SLIT1: variants seen among roughly 807,000 people sequenced by gnomAD.
SLIT1 encodes slit homolog 1 protein.
A neutral mutation model predicts 186.1 loss-of-function variants in SLIT1; 66 were observed. The observed-to-expected ratio is 0.35, with a 90% CI of 0.29 to 0.44. The LOEUF is 0.44. Ranked by LOEUF, SLIT1 falls within the 20% of genes least tolerant of loss-of-function variation. SLIT1 has a pLI of 1.00. For missense variants in SLIT1, 1,638 were observed against 2,037.4 expected (o/e 0.80, Z 3.77); for synonymous variants, 761 against 833.8 (o/e 0.91, Z 1.50).
rs1209716385 is a variant in SLIT1, at chr10:97,006,177, G to A, written c.3579+306C>T. 6.6e-6 allele frequency among the ~76,000 whole-genome samples: 1 copy of A among 152,198 alleles called. No homozygotes were observed. Among genetic ancestry groups the A allele is most frequent in the Non-Finnish European group, 1.5e-5 (1 of 68,042 alleles). ...AGAAAGCCTGTCTGCAGCACTGGAG[G>A]CAGACACTGAGGAGTAGCTGGGACA... On this transcript the variant is annotated intron_variant, in intron 32 of 36. Transcript: ENST00000266058. This position sits in a 1 kb window ranked among gnomAD's most constrained non-coding sequence, Gnocchi z 4.0.
At chr10:97,181,238 G>A (rs964867332) in intron 1 of SLIT1, among the ~76,000 whole-genome samples, 4 of 152,212 alleles carry the variant, frequency 2.6e-5, no homozygotes, top group East Asian at 1.9e-4. Context: ...CCTACACAGC[G>A]CAGGCCTCTG....
Position 97,021,558 on chromosome 10 carries a change from C to CTT in SLIT1, c.2583-147_2583-146dup, listed in dbSNP as rs11292804. 9.1e-4 allele frequency: 435 copies of CTT among 478,362 alleles called. No homozygotes were observed. Among genetic ancestry groups the CTT allele is most frequent in the South Asian group, 1.9e-3 (44 of 23,480 alleles). The allele number at this position is 478,362 out of a possible 1,614,324, so 29.6% of individuals were successfully genotyped here. A position where few individuals can be genotyped will look rare whatever the true frequency, so the allele number is the denominator to read the frequency against. On this transcript the variant is annotated intron_variant, in intron 25 of 36. Coordinates refer to ENST00000266058, the MANE Select transcript of SLIT1 (RefSeq NM_003061.3). The surrounding 1 kb of genome is among the most constrained non-coding windows in gnomAD (Gnocchi z 4.5). ...AGCATTTACTGTATAGTCAGTGCTG[C>CTT]TTTTTTTTTTTTTTCTTTTTTTGAG...
Position 97,067,655 on chromosome 10 carries a change from G to A in SLIT1, c.414-1569C>T, listed in dbSNP as rs533185020. On this transcript the variant is annotated intron_variant, in intron 4 of 36. Coordinates refer to ENST00000266058, the MANE Select transcript of SLIT1 (RefSeq NM_003061.3). ...CTGCCATTGCGCCCATTTCACAGAG[G>A]AGGGAGCTGAGCTCTGAGATGTGAA... Among the ~76,000 whole-genome samples the A allele has an allele frequency of 2.0e-5, 3 of 152,296 alleles. No individual in the cohort carries two copies. In the South Asian group the frequency reaches 6.2e-4, roughly 32 times the overall value.
chr10:97,123,346 A>G (rs895927268), intron 4 of SLIT1, among the ~76,000 whole-genome samples: 1 of 152,242 alleles, frequency 6.6e-6, no homozygotes, highest in Non-Finnish European at 1.5e-5. Flanking sequence ...GTAAAATTGT[A>G]AGCCATCTAG....
chr10:97,159,643 T>A (rs950281540), intron 3 of SLIT1, among the ~76,000 whole-genome samples: 1 of 152,136 alleles, frequency 6.6e-6, no homozygotes, highest in Non-Finnish European at 1.5e-5. Flanking sequence ...GCGAGGGACA[T>A]GAAGTTTACT....
chr10:97,128,857 C>T (rs1290115172), intron 4 of SLIT1, among the ~76,000 whole-genome samples: 2 of 152,146 alleles, frequency 1.3e-5, no homozygotes, highest in African/African-American at 4.8e-5. Flanking sequence ...TCCAGCCTTC[C>T]GGCCGCAGAA....
chr10:97,070,464 C>A (rs1418691209), intron 4 of SLIT1, among the ~76,000 whole-genome samples: 1 of 152,166 alleles, frequency 6.6e-6, no homozygotes, highest in Non-Finnish European at 1.5e-5. Flanking sequence ...CAGTGCAGAC[C>A]CAACCACATG....
chr10:97,002,164 C>T lies in SLIT1; in HGVS notation c.4360G>A (p.Glu1454Lys), dbSNP rs1820113183. The change falls in exon 36 of 37, where the codon GAG (glutamate) becomes AAG (lysine). Residue 1454 changes from glutamate to lysine, a missense_variant. This residue lies in a region of SLIT1 where 220 missense variants were observed against 211.3 expected (regional missense o/e 1.04). Coordinates refer to ENST00000266058, the MANE Select transcript of SLIT1 (RefSeq NM_003061.3). ...CAGGAGGGGGGCCCCTGACCTTGCT[C>T]ACACAGCTCGCCCGAAAAGCCGGGG... ...CDPGFSGELCEQESECRGDPV... is the reference protein window; with the variant it reads ...CDPGFSGELCKQESECRGDPV... 1.4e-6 allele frequency: 2 copies of T among 1,468,876 alleles called. No individual in the cohort carries two copies. Among genetic ancestry groups the T allele is most frequent in the Non-Finnish European group, 1.8e-6 (2 of 1,103,294 alleles). The allele number at this position is 1,468,876 out of a possible 1,614,324, so 91.0% of individuals were successfully genotyped here.
At chr10:97,064,329 C>A in intron 6 of SLIT1, 90 bp from the exon 7 acceptor site, 2 of 1,080,634 alleles carry the variant, frequency 1.9e-6, no homozygotes, top group South Asian at 1.3e-5. Context: ...GGGAGGCTCT[C>A]GACCTTAAAG....
intron 1 of SLIT1, among the ~76,000 whole-genome samples, chr10:97,176,628 G>A (rs1325052513): frequency 6.6e-6 from 1 of 152,136 alleles, no homozygotes; most frequent in Non-Finnish European, 1.5e-5. Context: ...CAGTGACCCC[G>A]ATCTCGAGTT....
At chr10:97,099,784 G>A (rs561657635) in intron 4 of SLIT1, among the ~76,000 whole-genome samples, 119 of 152,302 alleles carry the variant, frequency 7.8e-4, no homozygotes, top group African/African-American at 2.6e-3. Context: ...CAGAGACCCC[G>A]GGCAGTGCCC....
intron 12 of SLIT1, among the ~76,000 whole-genome samples, chr10:97,056,965 C>T (rs929905911): frequency 1.3e-5 from 2 of 152,210 alleles, no homozygotes; most frequent in African/African-American, 4.8e-5. Flanking sequence ...GGAGCACGGG[C>T]CGAGTCTCAG....
At chr10:97,069,348 C>T (rs1412586974) in intron 4 of SLIT1, among the ~76,000 whole-genome samples, 1 of 152,248 alleles carries the variant, frequency 6.6e-6, no homozygotes, top group African/African-American at 2.4e-5. Flanking sequence ...ACCACAGGTG[C>T]ATGGTCCACC....
intron 8 of SLIT1, among the ~76,000 whole-genome samples, chr10:97,063,228 A>G (rs1202049349): frequency 5.3e-5 from 8 of 151,458 alleles, no homozygotes; most frequent in African/African-American, 1.9e-4. Context: ...TGGATGGGGC[A>G]GGAGGAGCAG....
intron 1 of SLIT1, among the ~76,000 whole-genome samples, chr10:97,175,396 T>C (rs1850242287): frequency 6.6e-6 from 1 of 152,162 alleles, no homozygotes; most frequent in South Asian, 2.1e-4. Context: ...TTCAGTTCTT[T>C]TGGGTATTTA....
chr10:97,098,232 G>A (rs1048567593), intron 4 of SLIT1, among the ~76,000 whole-genome samples: 2 of 152,204 alleles, frequency 1.3e-5, no homozygotes, highest in East Asian at 1.9e-4. Flanking sequence ...GACCCGGGGG[G>A]CTAAGAGTTC....
In SLIT1 at chr10:96,999,603, A is replaced by C. The variant is rs1001638791; in HGVS notation, c.*1509T>G. 2 of 152,266 alleles carry C rather than the reference A, an allele frequency of 1.3e-5. No individual in the cohort carries two copies. Among genetic ancestry groups the C allele is most frequent in the African/African-American group, 4.8e-5 (2 of 41,452 alleles). The allele number at this position is 152,266 out of a possible 1,614,324, so 9.4% of individuals were successfully genotyped here. On this transcript the variant is annotated 3_prime_UTR_variant, in exon 37 of 37. Coordinates refer to ENST00000266058, the MANE Select transcript of SLIT1 (RefSeq NM_003061.3). ...GAGCCCTCTGGGGAAGGAGAGTGCA[A>C]CTTTGCCTCCCTTTAGCCCATTCAC...
intron 3 of SLIT1, among the ~76,000 whole-genome samples, chr10:97,162,302 T>C (rs1850039385): frequency 6.6e-6 from 1 of 152,206 alleles, no homozygotes; most frequent in Non-Finnish European, 1.5e-5. Context: ...GGTTTCCAAT[T>C]TTTTTCTATT....
At chr10:97,083,265 A>G (rs1849123657) in intron 4 of SLIT1, among the ~76,000 whole-genome samples, 1 of 152,168 alleles carries the variant, frequency 6.6e-6, no homozygotes, top group Non-Finnish European at 1.5e-5. Context: ...TACTCTGATC[A>G]TGCCTATTTT....
Sources: gnomAD v4.1 joint callset for allele counts (sites outside exome capture counted in the v4.1 genomes callset) on GRCh38, gnomAD v4.1.1 for gene constraint, gnomAD v4.1.1 regional missense constraint, Gnocchi (gnomAD v3.1) non-coding constraint, MANE v1.5 for transcripts, NCBI Gene and HGNC (gene_info 2026-07-23, HGNC 2026-07-21) for gene names.